The following TLN2 variants were observed in gnomAD, a reference collection of about 807,000 sequenced individuals.
TLN2 encodes the protein talin-2.
A neutral mutation model predicts 294.7 loss-of-function variants in TLN2; 118 were observed. The ratio of observed to expected loss-of-function variants is 0.40; its 90% confidence interval spans 0.34 to 0.47. The LOEUF (loss-of-function observed/expected upper bound fraction) is 0.47, where lower values mean the gene tolerates loss of function less well. Among genes scored for constraint, TLN2 ranks in the 20% least tolerant of loss-of-function variants. TLN2 has a pLI of 0.84. For synonymous variants in TLN2, 1,431 were observed against 1,304.5 expected, an observed-to-expected ratio of 1.10 and a Z score of -2.09; for missense variants, 3,083 against 3,282.2, an observed-to-expected ratio of 0.94 and a Z score of 1.48.
At chr15:62,761,879 C>T in intron 38 of TLN2, 58 bp downstream of exon 38, 2 of 1,603,080 alleles carry the variant, frequency 1.2e-6, no homozygotes, top group Non-Finnish European at 1.7e-6. Flanking sequence ...TGTGTGGCAC[C>T]AAATGAGTTA....
chr15:62,778,399 C>T (rs757498446), intron 43 of TLN2, among the ~76,000 whole-genome samples: 17 of 152,124 alleles, frequency 1.1e-4, no homozygotes, highest in African/African-American at 2.7e-4. Context: ...GAAGATAAAC[C>T]GTGTATCTAC....
chr15:62,753,319 C>G (rs2062038788), intron 35 of TLN2, among the ~76,000 whole-genome samples: 2 of 152,062 alleles, frequency 1.3e-5, no homozygotes, highest in South Asian at 4.2e-4. Flanking sequence ...ATGAGGAACC[C>G]TAGGACAGGG....
chr15:62,703,609 ACACACACACACACG>A (rs2058854921), intron 19 of TLN2, among the ~76,000 whole-genome samples: 1 of 100,730 alleles, frequency 9.9e-6, no homozygotes, highest in African/African-American at 3.5e-5. Context: ...TTCGACACAC[ACACACACACACACG>A]CGCGCACACA....
chr15:62,776,746 T>C lies in TLN2; in HGVS notation c.5368-18T>C. On this transcript the variant is annotated intron_variant, in intron 42 of 58. Coordinates refer to ENST00000636159, the MANE Select transcript of TLN2 (RefSeq NM_015059.3). ...GCTCTCTTCTGCTTAAGGAAATGTT[T>C]CACAATTCCCTTCTCAGGCACAACA... 6.7e-7 allele frequency: 1 copy of C among 1,491,668 alleles called. No individual in the cohort carries two copies. The highest frequency in any genetic ancestry group is 1.3e-5 in the South Asian group (1 of 74,338). 92.4% of individuals were successfully genotyped at this position (1,491,668 alleles called of 1,614,324 possible).
intron 2 of TLN2, among the ~76,000 whole-genome samples, chr15:62,606,956 C>T (rs1227837841): frequency 6.6e-6 from 1 of 152,190 alleles, no homozygotes; most frequent in African/African-American, 2.4e-5. Flanking sequence ...CCTATCACCA[C>T]CTCCGCCGCT....
intron 40 of TLN2, among the ~76,000 whole-genome samples, chr15:62,764,158 T>C (rs558700678): frequency 1.3e-5 from 2 of 152,332 alleles, no homozygotes; most frequent in South Asian, 4.1e-4. Context: ...CCCTAAGTTA[T>C]TCAATATCCA....
rs1358664081 is a variant in TLN2 at position 62,673,176 on chromosome 15, T to G, written c.789-651T>G. Among the ~76,000 whole-genome samples, 3 of 151,988 alleles carry G rather than the reference T, an allele frequency of 2.0e-5. No individual in the cohort carries two copies. In the East Asian group the frequency reaches 5.8e-4, roughly 29 times the overall value. On this transcript the variant is annotated intron_variant, in intron 9 of 58. Transcript: ENST00000636159. ...TTACTAACAAGTCTACTATGGCTTATTTTGCCCATAATATCTTACAAGGGA... is the reference window on the plus strand; with the variant it reads ...TTACTAACAAGTCTACTATGGCTTAGTTTGCCCATAATATCTTACAAGGGA...
intron 1 of TLN2, among the ~76,000 whole-genome samples, chr15:62,541,363 C>G (rs189487460): frequency 1.1e-3 from 160 of 152,272 alleles, no homozygotes; most frequent in African/African-American, 3.6e-3. Flanking sequence ...CTTCCTCATT[C>G]TGTTATTTCT....
intron 54 of TLN2, among the ~76,000 whole-genome samples, chr15:62,825,789 T>TTATAATATATATTA (rs1166911089): frequency 2.5e-4 from 21 of 83,562 alleles, no homozygotes; most frequent in African/African-American, 1.4e-3. Context: ...ATATTATATA[T>TTATAATATATATTA]TATAATATAT....
rs770735761 is a variant in TLN2, at chr15:62,675,278, C to T, written c.914C>T (p.Ala305Val). 2.5e-6 allele frequency: 4 copies of T among 1,614,230 alleles called. No homozygotes were observed. Among genetic ancestry groups the T allele is most frequent in the Non-Finnish European group, 3.4e-6 (4 of 1,180,044 alleles). ...IEAKVKYVKLARSLRTYGVSF... is the reference protein window; with the variant it reads ...IEAKVKYVKLVRSLRTYGVSF... ...GCCAAGGTCAAGTACGTCAAACTCG[C>T]ACGGTCCCTCCGCACATATGGCGTG... Residue 305 changes from alanine to valine, a missense_variant, in exon 11 of 59, where the codon GCA (alanine) becomes GTA (valine). Transcript: ENST00000636159.
At chr15:62,625,820 G>A (rs1246016108) in intron 3 of TLN2, among the ~76,000 whole-genome samples, 1 of 152,158 alleles carries the variant, frequency 6.6e-6, no homozygotes, top group African/African-American at 2.4e-5. Context: ...CGTTTCGCTG[G>A]AGAGGGCAGA....
chr15:62,604,369 A>G (rs1297976485), intron 2 of TLN2, among the ~76,000 whole-genome samples: 1 of 151,782 alleles, frequency 6.6e-6, no homozygotes, highest in Non-Finnish European at 1.5e-5. Flanking sequence ...AAAACAAACA[A>G]AAAATACCAC....
chr15:62,763,815 A>G (rs2062824524), intron 40 of TLN2, 120 bp downstream of exon 40: 5 of 1,370,318 alleles, frequency 3.6e-6, no homozygotes, highest in African/African-American at 1.5e-5. Flanking sequence ...GAGTTTCACC[A>G]TTAGACAGCC....
chr15:62,745,935 G>C (rs2061584158), intron 32 of TLN2, among the ~76,000 whole-genome samples: 1 of 152,212 alleles, frequency 6.6e-6, no homozygotes, highest in Non-Finnish European at 1.5e-5. Flanking sequence ...ATCTCACTTA[G>C]ACACACGATG....
At position 62,736,928 on chromosome 15, in the gene TLN2, G is replaced by A. The variant is rs765469297; in HGVS notation, c.3409G>A (p.Ala1137Thr). The change falls in exon 29 of 59, where the codon GCC becomes ACC. Residue 1137 changes from alanine to threonine, a missense_variant. Transcript: ENST00000636159. ...AGCTCTGAAAACACTGGCCCAGGCC[G>A]CCCGTGGAGTGGCTGCATCGACAAC... Reference protein sequence around the residue: ...AQALKTLAQAARGVAASTTDP... With the variant: ...AQALKTLAQATRGVAASTTDP... 13 of 1,614,204 alleles carry A rather than the reference G, an allele frequency of 8.1e-6. No homozygotes were observed. The highest frequency in any genetic ancestry group is 5.0e-5 in the Admixed American group (3 of 60,026).
intron 57 of TLN2, among the ~76,000 whole-genome samples, chr15:62,836,295 C>T (rs1325384541): frequency 6.6e-6 from 1 of 152,248 alleles, no homozygotes; most frequent in Non-Finnish European, 1.5e-5. Context: ...GCCCTGGGGC[C>T]CTGCTCCTCG....
intron 36 of TLN2, chr15:62,754,218 C>T (rs2062096940): frequency 4.1e-6 from 1 of 245,474 alleles, no homozygotes; most frequent in Non-Finnish European, 7.7e-6. Flanking sequence ...TTGTTCTGTG[C>T]TTAGCTGTAA....
In TLN2 at chr15:62,404,008, C is replaced by T. The variant is rs138175104; in HGVS notation, c.-238+13323C>T. ...GAATGCCTGGCACATGATAGGTACT[C>T]GACAAAAAATTCTTAATGATTGATG... On this transcript the variant is annotated intron_variant, in intron 1 of 58. Transcript: ENST00000636159. Among the ~76,000 whole-genome samples, 682 of 152,142 alleles carry T rather than the reference C, an allele frequency of 4.5e-3. 3 individuals are homozygous for T. The highest frequency in any genetic ancestry group is 6.8e-3 in the Middle Eastern group (2 of 294).
intron 40 of TLN2, among the ~76,000 whole-genome samples, chr15:62,765,449 G>C (rs1464460579): frequency 2.0e-5 from 3 of 152,102 alleles, no homozygotes; most frequent in African/African-American, 7.2e-5. Context: ...GTGAAGGCTA[G>C]AGTCTCATTT....
Sources: gnomAD v4.1 joint callset for allele counts (sites outside exome capture counted in the v4.1 genomes callset) on GRCh38, gnomAD v4.1.1 for gene constraint, MANE v1.5 for transcripts, NCBI Gene and HGNC (gene_info 2026-07-23, HGNC 2026-07-21) for gene names.